The following DLG2 variants were observed in gnomAD, a reference collection of about 807,000 sequenced individuals.
DLG2 encodes the protein disks large homolog 2.
A neutral mutation model predicts 132.5 loss-of-function variants in DLG2; 45 were observed. That is an observed-to-expected ratio of 0.34 (90% CI 0.27 to 0.44). DLG2 has a LOEUF of 0.44. Ranked by LOEUF, DLG2 falls within the 20% of genes least tolerant of loss-of-function variation. The pLI is 1.00. For missense variants in DLG2, 1,045 were observed against 1,196.9 expected (o/e 0.87, Z 1.87); for synonymous variants, 424 against 419.6 (o/e 1.01, Z -0.13).
chr11:84,238,164 A>G (rs1263036527), intron 8 of DLG2, among the ~76,000 whole-genome samples: 1 of 152,050 alleles, frequency 6.6e-6, no homozygotes, highest in East Asian at 1.9e-4. Flanking sequence ...AAAAATACCT[A>G]TAGTTATCCC....
intron 6 of DLG2, among the ~76,000 whole-genome samples, chr11:84,817,160 C>G (rs993125402): frequency 1.3e-5 from 2 of 152,022 alleles, no homozygotes; most frequent in African/African-American, 4.8e-5. Flanking sequence ...AGAGGACAAG[C>G]ACTCTCTCTG....
intron 16 of DLG2, among the ~76,000 whole-genome samples, chr11:83,860,951 G>C (rs1304898409): frequency 1.3e-5 from 2 of 152,144 alleles, no homozygotes; most frequent in Non-Finnish European, 2.9e-5. Flanking sequence ...ATCCATGTAA[G>C]ATGTGACTTG....
At chr11:84,741,850 G>T (rs760733087) in intron 6 of DLG2, among the ~76,000 whole-genome samples, 1 of 151,734 alleles carries the variant, frequency 6.6e-6, no homozygotes, top group African/African-American at 2.4e-5. Context: ...TACCAGAAAA[G>T]GAATAAAAAA....
chr11:84,957,522 G>A (rs1334499142), intron 6 of DLG2, among the ~76,000 whole-genome samples: 2 of 152,134 alleles, frequency 1.3e-5, no homozygotes, highest in African/African-American at 4.8e-5. Context: ...AGAAGGCAGA[G>A]GCCAGTTCTT....
intron 3 of DLG2, among the ~76,000 whole-genome samples, chr11:85,427,269 C>A (rs2090830157): frequency 6.6e-6 from 1 of 152,102 alleles, no homozygotes; most frequent in African/African-American, 2.4e-5. Context: ...TCAGGAAATA[C>A]AGAGAAAGCC....
intron 3 of DLG2, among the ~76,000 whole-genome samples, chr11:85,542,543 A>AT (rs1308870892): frequency 6.6e-6 from 1 of 152,108 alleles, no homozygotes; most frequent in Non-Finnish European, 1.5e-5. Context: ...CAATATCAGC[A>AT]TTTTTTTCCT....
intron 3 of DLG2, among the ~76,000 whole-genome samples, chr11:85,290,719 A>T (rs527694191): frequency 1.3e-5 from 2 of 152,166 alleles, no homozygotes; most frequent in African/African-American, 4.8e-5. Flanking sequence ...TTCTGCCTTT[A>T]GGATCCATTA....
chr11:85,397,196 A>T (rs777797866), intron 3 of DLG2, among the ~76,000 whole-genome samples: 1 of 152,196 alleles, frequency 6.6e-6, no homozygotes, highest in Non-Finnish European at 1.5e-5. Flanking sequence ...TAAGAGAATG[A>T]GAAATAAAAT....
At chr11:84,269,787 T>A (rs2097695841) in intron 7 of DLG2, among the ~76,000 whole-genome samples, 2 of 152,220 alleles carry the variant, frequency 1.3e-5, no homozygotes, top group Admixed American at 6.5e-5. Flanking sequence ...TAGGACCCAC[T>A]GATCCCTGTG....
chr11:85,520,410 C>G (rs2074201333), intron 3 of DLG2, among the ~76,000 whole-genome samples: 1 of 151,834 alleles, frequency 6.6e-6, no homozygotes, highest in Non-Finnish European at 1.5e-5. Context: ...GTTAAAATAA[C>G]CTTTCTACCC....
intron 6 of DLG2, among the ~76,000 whole-genome samples, chr11:84,536,143 C>T (rs900598590): frequency 2.6e-5 from 4 of 152,080 alleles, no homozygotes; most frequent in African/African-American, 4.8e-5. Flanking sequence ...ATATCTCTCT[C>T]AACAAAAATA....
chr11:84,433,230 A>C (rs2098990089), intron 7 of DLG2, among the ~76,000 whole-genome samples: 1 of 152,250 alleles, frequency 6.6e-6, no homozygotes, highest in Non-Finnish European at 1.5e-5. Flanking sequence ...AAATTAAAAC[A>C]AAACAAATGA....
At chr11:84,722,062 G>A (rs1020988317) in intron 6 of DLG2, among the ~76,000 whole-genome samples, 6 of 152,116 alleles carry the variant, frequency 3.9e-5, no homozygotes, top group African/African-American at 1.4e-4. Context: ...CTGAAGGTTA[G>A]GTTCAAAGAA....
intron 17 of DLG2, chr11:83,790,850 G>T: frequency 1.3e-6 from 1 of 745,530 alleles, no homozygotes; most frequent in Non-Finnish European, 2.4e-6. Context: ...TAGAAGAACT[G>T]TCCAGACAAT....
At chr11:83,506,945 T>C (rs1330882105) in intron 21 of DLG2, among the ~76,000 whole-genome samples, 1 of 152,172 alleles carries the variant, frequency 6.6e-6, no homozygotes, top group African/African-American at 2.4e-5. Context: ...GATGAGACTC[T>C]CACTCAGGGC....
chr11:84,881,000 A>G (rs968176093), intron 6 of DLG2, among the ~76,000 whole-genome samples: 14 of 152,188 alleles, frequency 9.2e-5, no homozygotes, highest in African/African-American at 2.9e-4. Context: ...TGGGTCAGAT[A>G]TAATTGTAAA....
At chr11:84,774,115 T>A (rs1239322567) in intron 6 of DLG2, among the ~76,000 whole-genome samples, 1 of 152,008 alleles carries the variant, frequency 6.6e-6, no homozygotes, top group African/African-American at 2.4e-5. Flanking sequence ...ATGTAAAAAA[T>A]TCAGTAGAAT....
intron 7 of DLG2, among the ~76,000 whole-genome samples, chr11:84,315,325 C>T (rs923079728): frequency 1.7e-4 from 26 of 152,044 alleles, no homozygotes; most frequent in African/African-American, 6.0e-4. Context: ...TGGGAAATTA[C>T]CATTTACGAA....
intron 21 of DLG2, among the ~76,000 whole-genome samples, chr11:83,522,271 T>C (rs1378060563): frequency 6.6e-6 from 1 of 152,222 alleles, no homozygotes; most frequent in African/African-American, 2.4e-5. Context: ...ACTCTATTCA[T>C]GTTTTGCTAA....
Sources: gnomAD v4.1 joint callset for allele counts (sites outside exome capture counted in the v4.1 genomes callset) on GRCh38, gnomAD v4.1.1 for gene constraint, MANE v1.5 for transcripts, NCBI Gene and HGNC (gene_info 2026-07-23, HGNC 2026-07-21) for gene names.